Variants in SLC17A1 observed in about 807,000 individuals in gnomAD.
SLC17A1 encodes the protein sodium-dependent phosphate transport protein 1.
In SLC17A1, 51 loss-of-function variants were observed where a neutral mutation model predicts 53.5. That is an observed-to-expected ratio of 0.95 (90% CI 0.76 to 1.20). The LOEUF (loss-of-function observed/expected upper bound fraction) is 1.20, where lower values mean the gene tolerates loss of function less well. Ranked by LOEUF, SLC17A1 falls within the 50% of genes most tolerant of loss-of-function variation. The pLI is 0.00. For synonymous variants in SLC17A1, 179 were observed against 198.8 expected, an observed-to-expected ratio of 0.90 and a Z score of 0.84; for missense variants, 538 against 568.2, an observed-to-expected ratio of 0.95 and a Z score of 0.54.
chr6:25,806,766 T>C (rs1763968964), intron 10 of SLC17A1, among the ~76,000 whole-genome samples: 1 of 152,018 alleles, frequency 6.6e-6, no homozygotes, highest in Admixed American at 6.6e-5. Flanking sequence ...TGAAAAGAAT[T>C]GCAAACTATG....
At chr6:25,822,182 A>C (rs1384222032) in intron 3 of SLC17A1, among the ~76,000 whole-genome samples, 1 of 152,124 alleles carries the variant, frequency 6.6e-6, no homozygotes, top group East Asian at 1.9e-4. Context: ...AGTGTTTCTT[A>C]CTGTGGTAAA....
At chr6:25,779,447 G>A (rs1763196533), downstream of SLC17A1, 1 of 358,488 alleles carries the variant, frequency 2.8e-6, no homozygotes, top group East Asian at 5.3e-5. Flanking sequence ...AAAGCATCAG[G>A]GGCTGGGGAC....
At chr6:25,820,467 A>C (rs2151501003) in intron 3 of SLC17A1, among the ~76,000 whole-genome samples, 1 of 152,338 alleles carries the variant, frequency 6.6e-6, no homozygotes, top group South Asian at 2.1e-4. Flanking sequence ...ACAGAACAAT[A>C]AAAAGAAAAA....
chr6:25,777,984 T>A (rs775503614), downstream of SLC17A1: 5 of 1,612,928 alleles, frequency 3.1e-6, no homozygotes, highest in Non-Finnish European at 4.2e-6. Flanking sequence ...TGGAGCCATC[T>A]CTCCTACTGC....
the SLC17A1 span, among the ~76,000 whole-genome samples, chr6:25,758,825 T>C: frequency 6.6e-6 from 1 of 152,212 alleles, no homozygotes; most frequent in Non-Finnish European, 1.5e-5. Flanking sequence ...GGTTATTTCT[T>C]TTCTTCTGCT....
chr6:25,818,189 C>T (rs1764426770), intron 6 of SLC17A1, among the ~76,000 whole-genome samples: 1 of 152,156 alleles, frequency 6.6e-6, no homozygotes, highest in South Asian at 2.1e-4. Flanking sequence ...TGAGTGAGAT[C>T]AAGGTGTCTT....
At chr6:25,744,158 G>T in the SLC17A1 span, among the ~76,000 whole-genome samples, 4 of 152,172 alleles carry the variant, frequency 2.6e-5, no homozygotes, top group Non-Finnish European at 5.9e-5. Flanking sequence ...GCAGCTTAAG[G>T]TCAGTTGACA....
chr6:25,750,633 C>G, the SLC17A1 span, among the ~76,000 whole-genome samples: 2 of 145,684 alleles, frequency 1.4e-5, no homozygotes, highest in Admixed American at 6.9e-5. Context: ...TAACCCATGT[C>G]AGAGAGAGAG....
At chr6:25,788,683 G>A (rs1763436735) in intron 12 of SLC17A1, among the ~76,000 whole-genome samples, 1 of 103,270 alleles carries the variant, frequency 9.7e-6, no homozygotes, top group South Asian at 3.4e-4. Context: ...TCCAGGAGGT[G>A]TGGCCTGTGT....
the SLC17A1 span, chr6:25,770,138 G>A: frequency 6.2e-7 from 1 of 1,613,936 alleles, no homozygotes. Flanking sequence ...GCTCATTCTT[G>A]GCTCCAATCC....
At chr6:25,802,067 C>T (rs1395152497) in intron 10 of SLC17A1, among the ~76,000 whole-genome samples, 1 of 152,196 alleles carries the variant, frequency 6.6e-6, no homozygotes, top group Non-Finnish European at 1.5e-5. Flanking sequence ...ATTGGGACCA[C>T]TCATGACTTT....
downstream of SLC17A1, chr6:25,779,526 C>G (rs1459588075): frequency 4.8e-6 from 1 of 209,260 alleles, no homozygotes; most frequent in Admixed American, 5.6e-5. Flanking sequence ...AAGGGAGTTG[C>G]GCCCAACATG....
chr6:25,826,762 C>G, intron 2 of SLC17A1, 129 bp from the exon 3 acceptor site: 1 of 455,722 alleles, frequency 2.2e-6, no homozygotes, highest in Non-Finnish European at 3.7e-6. Context: ...ACTTAATGAC[C>G]TTTGATAATT....
the SLC17A1 span, among the ~76,000 whole-genome samples, chr6:25,748,303 C>T: frequency 1.3e-5 from 2 of 152,156 alleles, no homozygotes; most frequent in Non-Finnish European, 2.9e-5. Context: ...AATTACACAA[C>T]ACACCTGAAA....
downstream of SLC17A1, chr6:25,778,013 T>G (rs1223913913): frequency 1.9e-6 from 3 of 1,591,712 alleles, no homozygotes; most frequent in African/African-American, 4.0e-5. Flanking sequence ...TTTTCATCAG[T>G]CAGGTGAGGT....
the SLC17A1 span, among the ~76,000 whole-genome samples, chr6:25,755,648 AAAAT>A: frequency 6.6e-6 from 1 of 152,186 alleles, no homozygotes; most frequent in Non-Finnish European, 1.5e-5. Flanking sequence ...ACCTGGTTTC[AAAAT>A]AAATAGATAA....
At chr6:25,770,500 A>T in the SLC17A1 span, 2 of 1,601,698 alleles carry the variant, frequency 1.2e-6, no homozygotes, top group Non-Finnish European at 1.7e-6. Context: ...CTCACTTTAC[A>T]TGCACTGTCC....
the SLC17A1 span, among the ~76,000 whole-genome samples, chr6:25,749,307 C>T: frequency 2.0e-5 from 3 of 152,228 alleles, no homozygotes; most frequent in Non-Finnish European, 2.9e-5. Flanking sequence ...ATCCCTTAAA[C>T]CTTGATTCCA....
chr6:25,753,852 G>A, the SLC17A1 span, among the ~76,000 whole-genome samples: 1 of 152,228 alleles, frequency 6.6e-6, no homozygotes, highest in African/African-American at 2.4e-5. Context: ...AAGGAAAGGG[G>A]ACTGGCTGAG....
Sources: allele counts gnomAD v4.1 joint callset (sites outside exome capture counted in the v4.1 genomes callset), GRCh38; gene constraint gnomAD v4.1.1; transcripts MANE v1.5; gene names NCBI Gene and HGNC (gene_info 2026-07-23, HGNC 2026-07-21).